ERI1: variants seen among roughly 807,000 people sequenced by gnomAD.
ERI1 encodes 3'-5' exoribonuclease 1.
In ERI1, 39 loss-of-function variants were observed where a neutral mutation model predicts 39.7. The observed-to-expected ratio is 0.98, with a 90% confidence interval of 0.76 to 1.28. The LOEUF is 1.28. ERI1 is among the 50% of genes most tolerant of loss of function. The pLI is 0.00. For synonymous variants in ERI1, 204 were observed against 149.6 expected (o/e 1.36, Z -2.65); for missense variants, 581 against 416.9 (o/e 1.39, Z -3.43).
chr8:9,022,819 A>G (rs1212177400), intron 6 of ERI1, among the ~76,000 whole-genome samples: 1 of 152,330 alleles, frequency 6.6e-6, no homozygotes, highest in Non-Finnish European at 1.5e-5. Flanking sequence ...AGGTTCAACA[A>G]TTAGAAACTC....
At chr8:9,053,495 C>T (rs1044207263) in intron 3 of ERI1, among the ~76,000 whole-genome samples, 11 of 152,184 alleles carry the variant, frequency 7.2e-5, no homozygotes, top group African/African-American at 2.4e-4. Flanking sequence ...TCGTCCTACA[C>T]GTCTCTTCCA....
chr8:9,048,291 G>C (rs1342992852), intron 3 of ERI1, among the ~76,000 whole-genome samples: 1 of 151,950 alleles, frequency 6.6e-6, no homozygotes, highest in African/African-American at 2.4e-5. Context: ...TTTTAAGACT[G>C]AAAATCACTG....
chr8:9,099,590 C>T (rs1799986545), intron 3 of ERI1, among the ~76,000 whole-genome samples: 1 of 145,738 alleles, frequency 6.9e-6, no homozygotes, highest in African/African-American at 2.6e-5. Context: ...GCGGGACACT[C>T]TCTCTCTCAA....
At chr8:9,040,734 G>A (rs915927844) in intron 3 of ERI1, among the ~76,000 whole-genome samples, 7 of 150,438 alleles carry the variant, frequency 4.7e-5, no homozygotes, top group African/African-American at 7.3e-5. Flanking sequence ...GTGTGTGGGG[G>A]GGGGGTGTGT....
intron 3 of ERI1, among the ~76,000 whole-genome samples, chr8:9,063,935 C>A (rs1420744225): frequency 6.6e-6 from 1 of 151,796 alleles, no homozygotes; most frequent in Non-Finnish European, 1.5e-5. Context: ...TGGAAGGTTG[C>A]CCATAGTGAA....
intron 3 of ERI1, among the ~76,000 whole-genome samples, chr8:9,061,361 C>T (rs1046835430): frequency 6.6e-6 from 1 of 152,068 alleles, no homozygotes; most frequent in African/African-American, 2.4e-5. Context: ...TTGTGGGAGA[C>T]TCAACAAAGA....
In ERI1 at chr8:9,081,171, C is replaced by T. The variant is rs567610162; in HGVS notation, n.300-35177C>T. 1.2e-4 allele frequency among the ~76,000 whole-genome samples: 18 copies of T among 152,294 alleles called. No homozygotes were observed. In the South Asian group the frequency reaches 3.7e-3, roughly 32 times the overall value. Reference sequence around the variant, plus strand: ...GAGAACCCACTTACTATCATGAGAACAGCCTGAAGGAAACCACCCATGTGA... The same window carrying T: ...GAGAACCCACTTACTATCATGAGAATAGCCTGAAGGAAACCACCCATGTGA... On this transcript the variant is annotated intron_variant and non_coding_transcript_variant, in intron 3 of 3. Transcript: ENST00000518663.
chr8:9,078,772 C>T (rs1799284653), intron 3 of ERI1, among the ~76,000 whole-genome samples: 1 of 152,184 alleles, frequency 6.6e-6, no homozygotes, highest in African/African-American at 2.4e-5. Context: ...GTATCTGCTG[C>T]ATGCTCAAAG....
intron 4 of ERI1, 98 bp from the exon 5 acceptor site, chr8:9,018,199 C>T: frequency 3.3e-6 from 2 of 601,608 alleles, no homozygotes; most frequent in Non-Finnish European, 3.0e-6. Flanking sequence ...CAGCCTTTCT[C>T]ATACTGTTTC....
At chr8:9,078,631 C>G (rs1294793042) in intron 3 of ERI1, among the ~76,000 whole-genome samples, 1 of 152,132 alleles carries the variant, frequency 6.6e-6, no homozygotes, top group African/African-American at 2.4e-5. Flanking sequence ...AGACTGCAGC[C>G]TTGTGGAAGC....
intron 3 of ERI1, among the ~76,000 whole-genome samples, chr8:9,054,198 G>A (rs921609938): frequency 1.3e-5 from 2 of 152,194 alleles, no homozygotes; most frequent in African/African-American, 4.8e-5. Flanking sequence ...GTGTTTTAGA[G>A]CACATTTTAA....
In ERI1 at chr8:9,033,205, T is replaced by TG. The variant is rs201971319; in HGVS notation, c.*3173dup. On this transcript the variant is annotated 3_prime_UTR_variant, in exon 7 of 7. Transcript: ENST00000250263. Reference sequence around the variant, plus strand: ...CAAACTACCACCCATGGGCCAAATCTGGCTGCTGCCTATTTTTGTATGGCC... The same window carrying TG: ...CAAACTACCACCCATGGGCCAAATCTGGGCTGCTGCCTATTTTTGTATGGCC... 8.3e-3 allele frequency: 1 copy of TG among 120 alleles called. No individual in the cohort carries two copies. Among genetic ancestry groups the TG allele is most frequent in the African/African-American group, 0.056 (1 of 18 alleles). The allele number at this position is 120 out of a possible 1,614,324, so 0.0% of individuals were successfully genotyped here.
chr8:9,044,839 G>C (rs1043257551), intron 3 of ERI1, among the ~76,000 whole-genome samples: 1 of 152,010 alleles, frequency 6.6e-6, no homozygotes, highest in Non-Finnish European at 1.5e-5. Context: ...CTCTCACCCT[G>C]ACCTGCCACA....
At chr8:9,051,796 A>G (rs1403759868) in intron 3 of ERI1, among the ~76,000 whole-genome samples, 1 of 152,202 alleles carries the variant, frequency 6.6e-6, no homozygotes, top group Non-Finnish European at 1.5e-5. Context: ...CTTGATTATG[A>G]GTTTGAATGA....
At chr8:9,086,790 A>G (rs1799542151) in intron 3 of ERI1, among the ~76,000 whole-genome samples, 2 of 152,272 alleles carry the variant, frequency 1.3e-5, no homozygotes, top group South Asian at 2.1e-4. Flanking sequence ...TTGTAAAAAC[A>G]TACATATTGG....
intron 1 of ERI1, among the ~76,000 whole-genome samples, chr8:9,005,982 A>G (rs1585180690): frequency 6.6e-6 from 1 of 152,210 alleles, no homozygotes. Context: ...GTTTCTCTCC[A>G]TATTGTGGAA....
At chr8:9,040,063 T>C (rs993804819) in intron 3 of ERI1, among the ~76,000 whole-genome samples, 4 of 152,198 alleles carry the variant, frequency 2.6e-5, no homozygotes, top group African/African-American at 9.6e-5. Flanking sequence ...GATTGTTCTG[T>C]GGATGAGTTT....
downstream of ERI1, among the ~76,000 whole-genome samples, chr8:9,036,836 G>C (rs1017297051): frequency 6.6e-6 from 1 of 152,144 alleles, no homozygotes; most frequent in Non-Finnish European, 1.5e-5. Flanking sequence ...GTCCATTCTT[G>C]CTTGCCGACT....
chr8:9,079,428 T>A (rs577551435), intron 3 of ERI1, among the ~76,000 whole-genome samples: 13 of 152,322 alleles, frequency 8.5e-5, no homozygotes, highest in African/African-American at 3.1e-4. Context: ...ATGTGAAGGG[T>A]TCCTGGTTTC....
Sources: allele counts gnomAD v4.1 joint callset (sites outside exome capture counted in the v4.1 genomes callset), GRCh38; gene constraint gnomAD v4.1.1; transcripts MANE v1.5; gene names NCBI Gene and HGNC (gene_info 2026-07-23, HGNC 2026-07-21).